Variants in EBF2 observed in about 807,000 individuals in gnomAD.
The protein encoded by EBF2 is EBF transcription factor 2, also known as transcription factor COE2.
A neutral mutation model predicts 72.8 loss-of-function variants in EBF2; 21 were observed. That is an observed-to-expected ratio of 0.29 (90% CI 0.20 to 0.42). The LOEUF is 0.42. Among genes scored for constraint, EBF2 ranks in the 10% least tolerant of loss-of-function variants. The pLI, the probability that EBF2 is intolerant of heterozygous loss-of-function variation, is 1.00. For synonymous variants in EBF2, 299 were observed against 274.2 expected, an observed-to-expected ratio of 1.09 and a Z score of -0.89; for missense variants, 637 against 731.2, an observed-to-expected ratio of 0.87 and a Z score of 1.49.
rs531226137 is a variant in EBF2 at position 25,951,029 on chromosome 8, C to G, written c.552-42474G>C. ...GATAAAAAATAAAATCTCTGTATAG[C>G]TTTCTCCCCAAATGAAACTCAAAAA... On this transcript the variant is annotated intron_variant, in intron 6 of 15. Coordinates refer to ENST00000520164, the MANE Select transcript of EBF2 (RefSeq NM_022659.4). Among the ~76,000 whole-genome samples, 3 of 152,274 alleles carry G rather than the reference C, an allele frequency of 2.0e-5. No homozygotes were observed. The East Asian group carries it at 5.8e-4, about 29-fold the overall frequency.
intron 6 of EBF2, among the ~76,000 whole-genome samples, chr8:25,946,386 A>G (rs972141888): frequency 6.6e-6 from 1 of 152,174 alleles, no homozygotes; most frequent in African/African-American, 2.4e-5. Context: ...AGACCTAAAT[A>G]TGCTTGCTGA....
At chr8:26,037,147 G>A (rs993709564) in intron 5 of EBF2, among the ~76,000 whole-genome samples, 1 of 152,146 alleles carries the variant, frequency 6.6e-6, no homozygotes, top group Admixed American at 6.5e-5. Context: ...CGGAGTCTTT[G>A]AAGGAGAGAG....
intron 4 of EBF2, 45 bp from the exon 5 acceptor site, chr8:26,040,146 G>T (rs970097163): frequency 4.4e-6 from 7 of 1,587,168 alleles, no homozygotes; most frequent in African/African-American, 4.0e-5. Context: ...GGAGAGGGGT[G>T]GGGGGCAAGG....
chr8:25,890,491 A>G (rs1490912403), intron 7 of EBF2, among the ~76,000 whole-genome samples: 1 of 152,216 alleles, frequency 6.6e-6, no homozygotes, highest in African/African-American at 2.4e-5. Flanking sequence ...GTGGCAGAAC[A>G]TGGGTTTGGA....
chr8:25,851,364 AGCT>A (rs954895945), intron 14 of EBF2, among the ~76,000 whole-genome samples: 9 of 150,406 alleles, frequency 6.0e-5, no homozygotes, highest in African/African-American at 2.2e-4. Flanking sequence ...TGGGAAATAT[AGCT>A]GCAAGTCGGC....
chr8:26,011,384 G>A (rs562083962), intron 6 of EBF2, among the ~76,000 whole-genome samples: 2 of 151,882 alleles, frequency 1.3e-5, no homozygotes, highest in African/African-American at 2.4e-5. Context: ...TAGTTGCCTG[G>A]CTTTAAATTT....
intron 7 of EBF2, among the ~76,000 whole-genome samples, chr8:25,900,844 A>T (rs1368821414): frequency 6.6e-6 from 1 of 152,164 alleles, no homozygotes; most frequent in Non-Finnish European, 1.5e-5. Flanking sequence ...ATTAGGCAGG[A>T]TGAAGAGAGG....
At chr8:25,911,157 G>A (rs572089801) in intron 6 of EBF2, among the ~76,000 whole-genome samples, 1 of 152,198 alleles carries the variant, frequency 6.6e-6, no homozygotes, top group African/African-American at 2.4e-5. Context: ...CAAATCCCCT[G>A]GGTCTAGATC....
chr8:25,979,003 G>A (rs1302907782), intron 6 of EBF2, among the ~76,000 whole-genome samples: 1 of 152,166 alleles, frequency 6.6e-6, no homozygotes, highest in Admixed American at 6.5e-5. Context: ...CCTTAATCTT[G>A]TGACACGGAG....
Position 26,044,210 on chromosome 8 carries a change from C to T in EBF2, c.131+519G>A, listed in dbSNP as rs1263331338. ...GCCTCGTCTTCCCGGGCAGCCGCTCCGGCTTTTCCCGCTCCCCTCGCCGCC... is the reference window on the plus strand; with the variant it reads ...GCCTCGTCTTCCCGGGCAGCCGCTCTGGCTTTTCCCGCTCCCCTCGCCGCC... On this transcript the variant is annotated intron_variant, in intron 1 of 15. Transcript: ENST00000520164. The surrounding 1 kb of genome is among the most constrained non-coding windows in gnomAD (Gnocchi z 4.1). Among the ~76,000 whole-genome samples the T allele has an allele frequency of 2.6e-5, 4 of 152,216 alleles. No homozygotes were observed. In the East Asian group the frequency reaches 7.7e-4, roughly 29 times the overall value.
At chr8:25,854,922 G>C (rs1802056277) in intron 14 of EBF2, among the ~76,000 whole-genome samples, 1 of 152,176 alleles carries the variant, frequency 6.6e-6, no homozygotes, top group Non-Finnish European at 1.5e-5. Flanking sequence ...TATGGATTCT[G>C]TCCCAAACTC....
In EBF2 at chr8:25,937,219, G is replaced by A. The variant is rs1385724; in HGVS notation, c.552-28664C>T. Among the ~76,000 whole-genome samples the A allele has an allele frequency of 3.9e-3, 600 of 152,254 alleles. 12 individuals are homozygous for A. The highest frequency in any genetic ancestry group is 0.014 in the African/African-American group (572 of 41,558). ...TCATTTATTAACACAAGAAGCAACC[G>A]TGGATGTTTTTCCATGGGTAACAAT... On this transcript the variant is annotated intron_variant, in intron 6 of 15. Transcript: ENST00000520164.
intron 6 of EBF2, among the ~76,000 whole-genome samples, chr8:25,955,431 A>G (rs1321102244): frequency 6.6e-6 from 1 of 152,190 alleles, no homozygotes; most frequent in African/African-American, 2.4e-5. Flanking sequence ...AGCATTATGT[A>G]TTTTGTGAGA....
intron 6 of EBF2, among the ~76,000 whole-genome samples, chr8:25,942,187 A>G (rs1468218733): frequency 6.6e-6 from 1 of 152,220 alleles, no homozygotes; most frequent in Non-Finnish European, 1.5e-5. Context: ...TGGTTCTCAC[A>G]TGCCTTCCCA....
intron 6 of EBF2, among the ~76,000 whole-genome samples, chr8:25,922,434 C>T (rs1289883876): frequency 1.3e-5 from 2 of 152,076 alleles, no homozygotes; most frequent in East Asian, 1.9e-4. Flanking sequence ...CTACACAGTA[C>T]GTTTACTTAA....
intron 6 of EBF2, among the ~76,000 whole-genome samples, chr8:26,020,681 C>A (rs1585230558): frequency 6.6e-6 from 1 of 152,066 alleles, no homozygotes; most frequent in Non-Finnish European, 1.5e-5. Context: ...GTAGAGGAAG[C>A]AGGGGTGGGG....
chr8:26,010,791 C>T (rs988697473), intron 6 of EBF2, among the ~76,000 whole-genome samples: 1 of 152,212 alleles, frequency 6.6e-6, no homozygotes, highest in African/African-American at 2.4e-5. Context: ...TTCCCTGATG[C>T]CTGCAGATAC....
intron 11 of EBF2, among the ~76,000 whole-genome samples, chr8:25,862,314 G>A (rs924799664): frequency 4.6e-5 from 7 of 152,196 alleles, no homozygotes; most frequent in African/African-American, 1.4e-4. Flanking sequence ...AGATACCTAC[G>A]TACATAGTAG....
chr8:26,017,893 C>T (rs1805137751), intron 6 of EBF2, among the ~76,000 whole-genome samples: 1 of 152,210 alleles, frequency 6.6e-6, no homozygotes, highest in Non-Finnish European at 1.5e-5. Flanking sequence ...CAAGGACTGG[C>T]TTTGAAAGGG....
Sources: allele counts gnomAD v4.1 joint callset (sites outside exome capture counted in the v4.1 genomes callset), GRCh38; gene constraint gnomAD v4.1.1; non-coding constraint Gnocchi (gnomAD v3.1); transcripts MANE v1.5; gene names NCBI Gene and HGNC (gene_info 2026-07-23, HGNC 2026-07-21).